SUSD6: variants seen among roughly 807,000 people sequenced by gnomAD.
SUSD6 encodes sushi domain containing 6.
SUSD6 carries 16 observed loss-of-function variants against 28.4 expected under a neutral mutation model. The ratio of observed to expected loss-of-function variants is 0.56; its 90% CI spans 0.38 to 0.86. The LOEUF (loss-of-function observed/expected upper bound fraction) is 0.86, where lower values mean the gene tolerates loss of function less well. Among genes scored for constraint, SUSD6 ranks in the 40% least tolerant of loss-of-function variants. SUSD6 has a pLI of 0.00. For missense variants in SUSD6, 341 were observed against 384.2 expected (o/e 0.89, Z 0.94); for synonymous variants, 147 against 159.6 (o/e 0.92, Z 0.59).
At position 69,658,525 on chromosome 14, in the gene SUSD6, C is replaced by T. The variant is rs1885616974; in HGVS notation, c.-68C>T. 9.0e-6 allele frequency: 14 copies of T among 1,559,318 alleles called. No individual in the cohort carries two copies. The highest frequency in any genetic ancestry group is 1.1e-5 in the Non-Finnish European group (12 of 1,139,588). On this transcript the variant is annotated 5_prime_UTR_variant, in exon 2 of 6. Transcript: ENST00000342745. The stretch of plus-strand genomic sequence containing the variant: ...TTGTTTGTTACAGGTGAATCAGCTC[C>T]CGGCCGACTTTAGGATTCTTCTGGA...
chr14:69,643,392 A>G (rs1012309724), intron 1 of SUSD6, among the ~76,000 whole-genome samples: 4 of 152,230 alleles, frequency 2.6e-5, no homozygotes, highest in Admixed American at 1.3e-4. Context: ...GGCACCTGCT[A>G]TGTCCAAAAG....
At chr14:69,653,784 C>G (rs1373841003) in intron 1 of SUSD6, among the ~76,000 whole-genome samples, 1 of 99,744 alleles carries the variant, frequency 1.0e-5, no homozygotes, top group Non-Finnish European at 1.9e-5. Flanking sequence ...TGTACTAAAG[C>G]CACAATCCAA....
chr14:69,703,781 C>T, intron 3 of SUSD6, 189 bp downstream of exon 3: 1 of 614,994 alleles, frequency 1.6e-6, no homozygotes, highest in Non-Finnish European at 2.9e-6. Context: ...TGGTGCATGT[C>T]CTATTGCATT....
chr14:69,692,425 C>G (rs1886166207), intron 2 of SUSD6, among the ~76,000 whole-genome samples: 1 of 152,162 alleles, frequency 6.6e-6, no homozygotes, highest in African/African-American at 2.4e-5. Context: ...AATGCAGACT[C>G]TAGTACTTAG....
intron 2 of SUSD6, among the ~76,000 whole-genome samples, chr14:69,669,431 C>G (rs1402098402): frequency 6.6e-6 from 1 of 152,136 alleles, no homozygotes; most frequent in African/African-American, 2.4e-5. Context: ...GCTTTCATTA[C>G]CAGTGGGAAG....
intron 1 of SUSD6, among the ~76,000 whole-genome samples, chr14:69,654,771 CTTTTTTTTT>C (rs747847939): frequency 2.4e-5 from 3 of 122,476 alleles, no homozygotes; most frequent in Admixed American, 8.9e-5. Context: ...TTACCAATTT[CTTTTTTTTT>C]TTTTTTTTTG....
intron 1 of SUSD6, among the ~76,000 whole-genome samples, chr14:69,624,504 G>GT (rs1885086500): frequency 6.6e-6 from 1 of 151,008 alleles, no homozygotes; most frequent in Admixed American, 6.6e-5. Context: ...CCAGGCTGGA[G>GT]TGCCATGGCC....
At chr14:69,690,936 C>T (rs570118214) in intron 2 of SUSD6, among the ~76,000 whole-genome samples, 2 of 152,296 alleles carry the variant, frequency 1.3e-5, no homozygotes, top group Admixed American at 1.3e-4. Context: ...CTTTTATTGT[C>T]TCTTTTGTAT....
chr14:69,625,934 G>T (rs1308390971), intron 1 of SUSD6, among the ~76,000 whole-genome samples: 2 of 152,118 alleles, frequency 1.3e-5, no homozygotes, highest in Non-Finnish European at 2.9e-5. Flanking sequence ...GGATGGCTTT[G>T]CTTCTCTAAG....
At chr14:69,703,765 G>A (rs1178304567) in intron 3 of SUSD6, 173 bp downstream of exon 3, 1 of 636,766 alleles carries the variant, frequency 1.6e-6, no homozygotes, top group African/African-American at 1.8e-5. Context: ...AGATACTTGA[G>A]GTTGCTGGTG....
At chr14:69,658,803 G>A in intron 2 of SUSD6, 90 bp downstream of exon 2, 1 of 1,567,134 alleles carries the variant, frequency 6.4e-7, no homozygotes, top group Non-Finnish European at 8.8e-7. Flanking sequence ...CTCTCCTCCT[G>A]GCAGGCGGTT....
Position 69,658,495 on chromosome 14 carries a change from CTTGT to C in SUSD6, c.-80-8_-80-5del, listed in dbSNP as rs1885616629. On this transcript the variant is annotated splice_polypyrimidine_tract_variant and intron_variant, in intron 1 of 5. Coordinates refer to ENST00000342745, the MANE Select transcript of SUSD6 (RefSeq NM_014734.4). ...ATGGCTGAAGTTTTCACTTTATGTC[CTTGT>C]TTGTTTGTTACAGGTGAATCAGCTC... 9.2e-6 allele frequency: 12 copies of C among 1,305,624 alleles called. No individual in the cohort carries two copies. In the South Asian group the frequency reaches 1.1e-4, roughly 12 times the overall value. The allele number at this position is 1,305,624 out of a possible 1,614,324, so 80.9% of individuals were successfully genotyped here. A position where few individuals can be genotyped will look rare whatever the true frequency, so the allele number is the denominator to read the frequency against.
intron 1 of SUSD6, among the ~76,000 whole-genome samples, chr14:69,634,339 G>T (rs1304398638): frequency 6.6e-6 from 1 of 152,180 alleles, no homozygotes; most frequent in Non-Finnish European, 1.5e-5. Context: ...TTTCTGGGGA[G>T]TTTGGGGATT....
chr14:69,660,939 T>C (rs1053299583), intron 2 of SUSD6, among the ~76,000 whole-genome samples: 11 of 152,362 alleles, frequency 7.2e-5, no homozygotes, highest in African/African-American at 2.4e-4. Context: ...TTTGGGTCTT[T>C]GTAAAAGAGG....
intron 1 of SUSD6, among the ~76,000 whole-genome samples, chr14:69,657,922 A>G (rs1282375996): frequency 6.6e-6 from 1 of 152,086 alleles, no homozygotes; most frequent in Non-Finnish European, 1.5e-5. Context: ...CATCTTTTTC[A>G]GGGACAGCCA....
Position 69,713,833 on chromosome 14 carries a change from T to G in SUSD6, c.*2854T>G, listed in dbSNP as rs1394532571. On this transcript the variant is annotated 3_prime_UTR_variant, in exon 6 of 6. Transcript: ENST00000342745. ...TTTTTTTGTTTGTTTGTTGTTGGTGTTTGTTTTTTTTTTTTTTTTTTTGGC... is the reference window on the plus strand; with the variant it reads ...TTTTTTTGTTTGTTTGTTGTTGGTGGTTGTTTTTTTTTTTTTTTTTTTGGC... 2 of 140,700 alleles carry G rather than the reference T, an allele frequency of 1.4e-5. No individual in the cohort carries two copies. The highest frequency in any genetic ancestry group is 2.8e-5 in the African/African-American group (1 of 35,204). The allele number at this position is 140,700 out of a possible 1,614,324, so 8.7% of individuals were successfully genotyped here.
At position 69,651,900 on chromosome 14, in the gene SUSD6, C is replaced by A. The variant is rs1245942090; in HGVS notation, c.-80-6613C>A. ...CACCCCTCTGGGGAACTTTGGACTT[C>A]AAAGTGTTAGGACTTGTTATCATTA... On this transcript the variant is annotated intron_variant, in intron 1 of 5. Transcript: ENST00000342745. Among the ~76,000 whole-genome samples, 4 of 152,176 alleles carry A rather than the reference C, an allele frequency of 2.6e-5. 1 individual carries two copies. The highest frequency in any genetic ancestry group is 2.6e-4 in the Admixed American group (4 of 15,288).
intron 2 of SUSD6, among the ~76,000 whole-genome samples, chr14:69,691,572 CTGACCCCCTGTT>C (rs1435163708): frequency 1.3e-5 from 2 of 152,172 alleles, no homozygotes; most frequent in Non-Finnish European, 2.9e-5. Context: ...AGCACACTAC[CTGACCCCCTGTT>C]TGGGAGTATG....
At position 69,714,799 on chromosome 14, in the gene SUSD6, C is replaced by T. The variant is rs1886523065; in HGVS notation, c.*3820C>T. 6.6e-6 allele frequency: 1 copy of T among 152,250 alleles called. No homozygotes were observed. The highest frequency in any genetic ancestry group is 2.4e-5 in the African/African-American group (1 of 41,466). The allele number at this position is 152,250 out of a possible 1,614,324, so 9.4% of individuals were successfully genotyped here. ...AGTAGAAGGGGATGCAGGGGCAAAGCACTCAGTTGCCAAGCAAGGAGGAGA... is the reference window on the plus strand; with the variant it reads ...AGTAGAAGGGGATGCAGGGGCAAAGTACTCAGTTGCCAAGCAAGGAGGAGA... On this transcript the variant is annotated 3_prime_UTR_variant, in exon 6 of 6. Transcript: ENST00000342745.
Sources: gnomAD v4.1 joint callset for allele counts (sites outside exome capture counted in the v4.1 genomes callset) on GRCh38, gnomAD v4.1.1 for gene constraint, MANE v1.5 for transcripts, NCBI Gene and HGNC (gene_info 2026-07-23, HGNC 2026-07-21) for gene names.